The following DLG2 variants were observed in gnomAD, a reference collection of about 807,000 sequenced individuals.
The protein encoded by DLG2 is disks large homolog 2.
A neutral mutation model predicts 132.5 loss-of-function variants in DLG2; 45 were observed. The ratio of observed to expected loss-of-function variants is 0.34; its 90% confidence interval spans 0.27 to 0.44. The LOEUF (loss-of-function observed/expected upper bound fraction) is 0.44, where lower values mean the gene tolerates loss of function less well. Ranked by LOEUF, DLG2 falls within the 20% of genes least tolerant of loss-of-function variation. The pLI, the probability that DLG2 is intolerant of heterozygous loss-of-function variation, is 1.00. For missense variants in DLG2, 1,045 were observed against 1,196.9 expected (o/e 0.87, Z 1.87); for synonymous variants, 424 against 419.6 (o/e 1.01, Z -0.13).
At chr11:85,195,178 G>T (rs2080936314) in intron 4 of DLG2, among the ~76,000 whole-genome samples, 1 of 152,186 alleles carries the variant, frequency 6.6e-6, no homozygotes. Flanking sequence ...TCATAATTAG[G>T]ATGAATTGAG....
At chr11:83,908,197 C>T (rs1365663133) in intron 15 of DLG2, among the ~76,000 whole-genome samples, 1 of 152,156 alleles carries the variant, frequency 6.6e-6, no homozygotes, top group African/African-American at 2.4e-5. Context: ...TACTTATTGC[C>T]ATCTGGCAAA....
intron 7 of DLG2, among the ~76,000 whole-genome samples, chr11:84,370,011 C>T (rs992999487): frequency 2.0e-5 from 3 of 152,098 alleles, no homozygotes; most frequent in African/African-American, 7.2e-5. Context: ...CACTAAAACA[C>T]CACAAATGAA....
At chr11:84,352,588 T>C (rs771314706) in intron 7 of DLG2, among the ~76,000 whole-genome samples, 1 of 152,180 alleles carries the variant, frequency 6.6e-6, no homozygotes, top group African/African-American at 2.4e-5. Flanking sequence ...TTTGTGGGTG[T>C]AAGTGAAGGA....
chr11:84,045,994 T>C (rs2096235196), intron 11 of DLG2, among the ~76,000 whole-genome samples: 1 of 151,682 alleles, frequency 6.6e-6, no homozygotes, highest in African/African-American at 2.4e-5. Context: ...AATCCAGTGA[T>C]GGGCACAGTC....
chr11:83,484,515 T>G (rs1591625827), intron 21 of DLG2, among the ~76,000 whole-genome samples: 1 of 24,378 alleles, frequency 4.1e-5, no homozygotes, highest in South Asian at 8.8e-4. Context: ...CAGAATTTTT[T>G]GAATTTTTTG....
At chr11:84,432,693 C>G (rs7103483) in intron 7 of DLG2, among the ~76,000 whole-genome samples, 1 of 152,088 alleles carries the variant, frequency 6.6e-6, no homozygotes, top group Non-Finnish European at 1.5e-5. Context: ...TTGGTTTAGA[C>G]AAGGGGGAGA....
intron 4 of DLG2, among the ~76,000 whole-genome samples, chr11:85,185,218 A>G (rs1053324434): frequency 5.0e-4 from 76 of 151,932 alleles, no homozygotes; most frequent in African/African-American, 1.7e-3. Context: ...AGCATCCTCA[A>G]TCATGTTTTA....
intron 6 of DLG2, among the ~76,000 whole-genome samples, chr11:84,756,521 A>G (rs1487884135): frequency 6.6e-6 from 1 of 152,192 alleles, no homozygotes; most frequent in African/African-American, 2.4e-5. Flanking sequence ...AGGTGTGTTC[A>G]ATTGGGTAAA....
chr11:85,534,885 T>C (rs957710039), intron 3 of DLG2, among the ~76,000 whole-genome samples: 1 of 152,226 alleles, frequency 6.6e-6, no homozygotes, highest in Non-Finnish European at 1.5e-5. Context: ...GGATGGCGAT[T>C]CTATTTTCAG....
intron 6 of DLG2, among the ~76,000 whole-genome samples, chr11:84,717,245 C>T (rs1165140385): frequency 1.3e-5 from 2 of 152,014 alleles, no homozygotes; most frequent in Non-Finnish European, 2.9e-5. Context: ...CTTATTTTCA[C>T]ACTTAGTAGG....
chr11:83,835,414 A>G (rs1184352691), intron 16 of DLG2, among the ~76,000 whole-genome samples: 2 of 152,182 alleles, frequency 1.3e-5, no homozygotes, highest in East Asian at 3.8e-4. Flanking sequence ...GGATGGATTG[A>G]GAAGGTGACA....
At chr11:83,583,160 G>A (rs1043077977) in intron 19 of DLG2, among the ~76,000 whole-genome samples, 2 of 152,152 alleles carry the variant, frequency 1.3e-5, no homozygotes, top group Admixed American at 6.5e-5. Flanking sequence ...ACTTAATTCT[G>A]TTCAACTACC....
chr11:83,571,524 T>C (rs1385793707), intron 19 of DLG2, among the ~76,000 whole-genome samples: 4 of 151,132 alleles, frequency 2.6e-5, no homozygotes, highest in Non-Finnish European at 5.9e-5. Context: ...TCACAAGGAA[T>C]TTGTAAGGAT....
intron 6 of DLG2, among the ~76,000 whole-genome samples, chr11:84,974,510 T>C (rs2054584492): frequency 6.6e-6 from 1 of 152,218 alleles, no homozygotes; most frequent in Admixed American, 6.5e-5. Context: ...ATGGTTAGCA[T>C]ACTGTAAGTC....
At chr11:85,299,762 C>A (rs1419847030) in intron 3 of DLG2, among the ~76,000 whole-genome samples, 2 of 152,126 alleles carry the variant, frequency 1.3e-5, no homozygotes, top group Non-Finnish European at 2.9e-5. Flanking sequence ...TAGGGTAGGG[C>A]CTAGAATTTA....
At chr11:83,880,388 G>A (rs540424288) in intron 15 of DLG2, among the ~76,000 whole-genome samples, 3 of 152,132 alleles carry the variant, frequency 2.0e-5, no homozygotes, top group Non-Finnish European at 2.9e-5. Context: ...AAAAGAGAAT[G>A]TATTTAATAC....
intron 6 of DLG2, among the ~76,000 whole-genome samples, chr11:84,911,196 T>C (rs952386757): frequency 6.6e-6 from 1 of 152,136 alleles, no homozygotes; most frequent in Non-Finnish European, 1.5e-5. Flanking sequence ...AAGGCATCTT[T>C]CTTGGACAGA....
At chr11:84,038,950 C>G (rs1426922284) in intron 11 of DLG2, among the ~76,000 whole-genome samples, 1 of 152,020 alleles carries the variant, frequency 6.6e-6, no homozygotes, top group African/African-American at 2.4e-5. Flanking sequence ...GAGGTAACTT[C>G]CCTCATGATT....
chr11:85,014,254 C>T (rs1305954412), intron 6 of DLG2, among the ~76,000 whole-genome samples: 3 of 152,128 alleles, frequency 2.0e-5, no homozygotes, highest in African/African-American at 7.2e-5. Context: ...AATACATTTA[C>T]CCAGTGGGTT....
Sources: allele counts gnomAD v4.1 joint callset (sites outside exome capture counted in the v4.1 genomes callset), GRCh38; gene constraint gnomAD v4.1.1; transcripts MANE v1.5; gene names NCBI Gene and HGNC (gene_info 2026-07-23, HGNC 2026-07-21).